YPEL2: variants seen among roughly 807,000 people sequenced by gnomAD.
The protein encoded by YPEL2 is yippee like 2.
In YPEL2, 2 loss-of-function variants were observed where a neutral mutation model predicts 19.1. The ratio of observed to expected loss-of-function variants is 0.10; its 90% CI spans 0.04 to 0.33. The LOEUF (loss-of-function observed/expected upper bound fraction) is 0.33, where lower values mean the gene tolerates loss of function less well. Ranked by LOEUF, YPEL2 falls within the 10% of genes least tolerant of loss-of-function variation. The probability of loss-of-function intolerance (pLI) is 1.00; values close to 1 mark genes in which losing one functional copy is unlikely to be tolerated. For missense variants in YPEL2, 66 were observed against 140.7 expected, an observed-to-expected ratio of 0.47 and a Z score of 2.68; for synonymous variants, 52 against 50.0, an observed-to-expected ratio of 1.04 and a Z score of -0.17.
Position 59,397,327 on chromosome 17 carries a change from C to G in YPEL2, c.*137C>G. The G allele has an allele frequency of 1.9e-6, 1 of 525,426 alleles. No homozygotes were observed. Among genetic ancestry groups the G allele is most frequent in the Non-Finnish European group, 3.3e-6 (1 of 306,394 alleles). 32.5% of individuals were successfully genotyped at this position (525,426 alleles called of 1,614,324 possible). A position where few individuals can be genotyped will look rare whatever the true frequency, so the allele number is the denominator to read the frequency against. On this transcript the variant is annotated 3_prime_UTR_variant, in exon 5 of 5. Transcript: ENST00000312655. Reference sequence around the variant, plus strand: ...CATCCGGGGCATCCTCCCACCCTGACGCCATCTTTCTGGTGACCGGCCTCT... The same window carrying G: ...CATCCGGGGCATCCTCCCACCCTGAGGCCATCTTTCTGGTGACCGGCCTCT...
chr17:59,382,383 C>T (rs1359724388), intron 2 of YPEL2, among the ~76,000 whole-genome samples: 3 of 35,734 alleles, frequency 8.4e-5, no homozygotes, highest in African/African-American at 4.1e-4. Context: ...ATCCTCCACC[C>T]CGCCTCTCTC....
At chr17:59,351,372 GT>G (rs1567736632) in intron 1 of YPEL2, among the ~76,000 whole-genome samples, 1 of 152,058 alleles carries the variant, frequency 6.6e-6, no homozygotes, top group Non-Finnish European at 1.5e-5. Flanking sequence ...GTGAGACTCT[GT>G]CTTAAAAAAG....
chr17:59,351,879 G>A (rs1408631270), intron 1 of YPEL2, among the ~76,000 whole-genome samples: 3 of 152,170 alleles, frequency 2.0e-5, no homozygotes, highest in Admixed American at 6.5e-5. Flanking sequence ...GGCTGATATT[G>A]TCCTTCAGCC....
At chr17:59,363,164 A>G (rs1202015337) in intron 2 of YPEL2, 1 of 151,214 alleles carries the variant, frequency 6.6e-6, no homozygotes, top group Non-Finnish European at 1.5e-5. Flanking sequence ...ATATATATAG[A>G]GAGAGAGAGA....
chr17:59,363,111 A>G (rs1322819223), intron 2 of YPEL2: 2 of 152,072 alleles, frequency 1.3e-5, no homozygotes, highest in Non-Finnish European at 2.9e-5. Context: ...GCTATTAGCT[A>G]CTATTGATTG....
At chr17:59,395,078 G>GGGGAGA (rs545654327) in intron 4 of YPEL2, among the ~76,000 whole-genome samples, 8 of 152,280 alleles carry the variant, frequency 5.3e-5, no homozygotes, top group Admixed American at 2.0e-4. Context: ...GGGAGACCGT[G>GGGGAGA]GGGAGAGGGA....
At chr17:59,387,257 TAAAAAAAA>T (rs373789547) in intron 2 of YPEL2, among the ~76,000 whole-genome samples, 1 of 77,588 alleles carries the variant, frequency 1.3e-5, no homozygotes, top group Admixed American at 1.6e-4. Flanking sequence ...AGACTCCATC[TAAAAAAAA>T]AAAAAAAAAA....
intron 2 of YPEL2, among the ~76,000 whole-genome samples, chr17:59,379,253 A>G (rs118106646): frequency 0.012 from 1,873 of 152,266 alleles, 18 homozygotes; most frequent in Non-Finnish European, 0.018. Context: ...CAAGGCTGAA[A>G]TCTTAAACAG....
intron 3 of YPEL2, 44 bp from the exon 4 acceptor site, chr17:59,389,316 C>A: frequency 6.5e-7 from 1 of 1,532,990 alleles, no homozygotes; most frequent in Non-Finnish European, 9.0e-7. Flanking sequence ...GCCTGATGTG[C>A]GTGTCACTAA....
At chr17:59,334,263 G>A (rs2047687054) in intron 1 of YPEL2, among the ~76,000 whole-genome samples, 1 of 152,094 alleles carries the variant, frequency 6.6e-6, no homozygotes, top group South Asian at 2.1e-4. Context: ...TTTTGAGGCA[G>A]CCACACAGTC....
At chr17:59,383,134 A>G (rs544077756) in intron 2 of YPEL2, among the ~76,000 whole-genome samples, 43 of 152,322 alleles carry the variant, frequency 2.8e-4, no homozygotes, top group African/African-American at 9.4e-4. Context: ...GTGCAGGCAT[A>G]GATTTTAGAA....
chr17:59,381,688 G>A (rs1391739089), intron 2 of YPEL2, among the ~76,000 whole-genome samples: 3 of 152,064 alleles, frequency 2.0e-5, no homozygotes, highest in South Asian at 2.1e-4. Context: ...GCTGGGCCTG[G>A]AACTATTACT....
intron 2 of YPEL2, chr17:59,354,489 G>C (rs2047802781): frequency 6.6e-6 from 1 of 152,102 alleles, no homozygotes; most frequent in South Asian, 2.1e-4. Context: ...TGCTTTCTTT[G>C]CCTCTGGTTT....
At chr17:59,382,580 AAT>A (rs2047955180) in intron 2 of YPEL2, among the ~76,000 whole-genome samples, 1 of 152,236 alleles carries the variant, frequency 6.6e-6, no homozygotes, top group South Asian at 2.1e-4. Flanking sequence ...GCTGCCATGT[AAT>A]ATGTACATTG....
intron 2 of YPEL2, among the ~76,000 whole-genome samples, chr17:59,364,184 C>T (rs1037659063): frequency 6.6e-6 from 1 of 152,096 alleles, no homozygotes; most frequent in African/African-American, 2.4e-5. Flanking sequence ...GCTGGAGGTA[C>T]CTTTGAACCT....
intron 4 of YPEL2, among the ~76,000 whole-genome samples, chr17:59,395,140 C>T (rs1317146461): frequency 6.6e-6 from 1 of 151,230 alleles, no homozygotes; most frequent in Non-Finnish European, 1.5e-5. Flanking sequence ...TTCCTCCTTC[C>T]CCCCCAAACA....
chr17:59,367,365 T>C (rs2047875570), intron 2 of YPEL2, among the ~76,000 whole-genome samples: 2 of 152,192 alleles, frequency 1.3e-5, no homozygotes, highest in Non-Finnish European at 2.9e-5. Flanking sequence ...CTGTTTGCAG[T>C]CTTGATTCCC....
chr17:59,356,143 TCTC>T (rs1455540567), intron 2 of YPEL2: 2 of 152,150 alleles, frequency 1.3e-5, no homozygotes, highest in African/African-American at 4.8e-5. Context: ...TCTCTCCTGT[TCTC>T]CTCTCTTGAC....
At chr17:59,381,260 G>T (rs553733733) in intron 2 of YPEL2, among the ~76,000 whole-genome samples, 1 of 152,164 alleles carries the variant, frequency 6.6e-6, no homozygotes, top group East Asian at 1.9e-4. Flanking sequence ...ATATGCAAGG[G>T]ATCACCTAGT....
Sources: gnomAD v4.1 joint callset for allele counts (sites outside exome capture counted in the v4.1 genomes callset) on GRCh38, gnomAD v4.1.1 for gene constraint, MANE v1.5 for transcripts, NCBI Gene and HGNC (gene_info 2026-07-23, HGNC 2026-07-21) for gene names.